Variants in STPG2 observed in about 807,000 individuals in gnomAD.
STPG2 encodes sperm-tail PG-rich repeat-containing protein 2.
STPG2 carries 56 observed loss-of-function variants against 54.2 expected under a neutral mutation model. The observed-to-expected ratio is 1.03, with a 90% CI of 0.83 to 1.29. STPG2 has a LOEUF of 1.29. STPG2 is among the 50% of genes most tolerant of loss of function. STPG2 has a pLI of 0.00. For synonymous variants in STPG2, 200 were observed against 181.8 expected (o/e 1.10, Z -0.81); for missense variants, 596 against 544.9 (o/e 1.09, Z -0.93).
intron 5 of STPG2, among the ~76,000 whole-genome samples, chr4:98,034,036 C>T (rs577737977): frequency 3.9e-4 from 59 of 152,042 alleles, no homozygotes; most frequent in African/African-American, 1.2e-3. Flanking sequence ...CTTTGAAAAC[C>T]GGCATAAGAT....
intron 9 of STPG2, among the ~76,000 whole-genome samples, chr4:97,735,068 G>T (rs1226051512): frequency 6.9e-5 from 4 of 57,768 alleles, no homozygotes; most frequent in Admixed American, 2.1e-4. Context: ...GCGAGACATC[G>T]TCTCAAAAAA....
chr4:97,637,479 G>C (rs1721596499), intron 10 of STPG2, among the ~76,000 whole-genome samples: 1 of 152,144 alleles, frequency 6.6e-6, no homozygotes, highest in Non-Finnish European at 1.5e-5. Context: ...CATAGTGTTG[G>C]AAGTTCTGGC....
intron 10 of STPG2, among the ~76,000 whole-genome samples, chr4:97,658,455 C>A (rs938692507): frequency 3.3e-5 from 5 of 152,126 alleles, no homozygotes; most frequent in African/African-American, 1.2e-4. Context: ...TAGTAGGCTG[C>A]AGGAAAGTGT....
At chr4:97,704,055 TG>T (rs1448481750) in intron 10 of STPG2, among the ~76,000 whole-genome samples, 1 of 152,076 alleles carries the variant, frequency 6.6e-6, no homozygotes, top group Admixed American at 6.6e-5. Flanking sequence ...CTAGCTGTGC[TG>T]GCAGCTGATT....
intron 8 of STPG2, among the ~76,000 whole-genome samples, chr4:97,863,193 C>A (rs1441538222): frequency 6.6e-6 from 1 of 152,070 alleles, no homozygotes; most frequent in Admixed American, 6.6e-5. Context: ...AATTGATAGA[C>A]CGCTAGCAAG....
At chr4:97,840,653 G>T in intron 9 of STPG2, 120 bp downstream of exon 9, 1 of 1,132,520 alleles carries the variant, frequency 8.8e-7, no homozygotes, top group Non-Finnish European at 1.2e-6. Flanking sequence ...AAATGGTTTT[G>T]TTATACATTA....
intron 8 of STPG2, among the ~76,000 whole-genome samples, chr4:97,933,203 T>C (rs1032415338): frequency 2.6e-5 from 4 of 152,176 alleles, no homozygotes; most frequent in African/African-American, 9.7e-5. Flanking sequence ...TTGCCCACTT[T>C]TTGATGGGGT....
At chr4:97,821,126 AGGT>A in intron 9 of STPG2, among the ~76,000 whole-genome samples, 2 of 152,286 alleles carry the variant, frequency 1.3e-5, no homozygotes, top group African/African-American at 4.8e-5. Context: ...AATCAAAAAC[AGGT>A]AGTTACTTTA....
intron 10 of STPG2, among the ~76,000 whole-genome samples, chr4:97,703,815 T>C (rs1421942780): frequency 2.0e-5 from 3 of 148,822 alleles, no homozygotes; most frequent in Non-Finnish European, 4.4e-5. Context: ...TGTGTGTGTA[T>C]ATATACATAT....
chr4:97,970,339 C>A (rs1469008460), intron 7 of STPG2, among the ~76,000 whole-genome samples: 1 of 152,132 alleles, frequency 6.6e-6, no homozygotes, highest in Non-Finnish European at 1.5e-5. Flanking sequence ...CAAAAAAGAG[C>A]CTGCATTGCC....
At chr4:97,971,295 T>C (rs959412025) in intron 7 of STPG2, among the ~76,000 whole-genome samples, 4 of 152,196 alleles carry the variant, frequency 2.6e-5, no homozygotes, top group Non-Finnish European at 2.9e-5. Flanking sequence ...AGCAATCCCA[T>C]TATTGGGTAT....
chr4:97,958,820 C>T (rs1284064162), intron 7 of STPG2, among the ~76,000 whole-genome samples: 2 of 152,130 alleles, frequency 1.3e-5, no homozygotes, highest in African/African-American at 4.8e-5. Flanking sequence ...GTCATCAAGA[C>T]AGAAAGTCAA....
chr4:97,920,405 A>G (rs948452278), intron 8 of STPG2, among the ~76,000 whole-genome samples: 1 of 152,188 alleles, frequency 6.6e-6, no homozygotes, highest in Non-Finnish European at 1.5e-5. Flanking sequence ...GAGACTGCCA[A>G]CTAGTATTTT....
chr4:97,962,854 A>G (rs191031026), intron 7 of STPG2, among the ~76,000 whole-genome samples: 15 of 152,314 alleles, frequency 9.8e-5, no homozygotes, highest in Non-Finnish European at 1.5e-5. Flanking sequence ...CAATATCTAC[A>G]GTGAAGAATA....
chr4:97,620,046 G>A (rs572087065), intron 10 of STPG2, among the ~76,000 whole-genome samples: 149 of 151,966 alleles, frequency 9.8e-4, no homozygotes, highest in African/African-American at 3.4e-3. Flanking sequence ...GGATGGTCTC[G>A]ATCTCCTGAC....
chr4:97,445,209 T>C (rs1012022180), intron 4 of STPG2, among the ~76,000 whole-genome samples: 4 of 152,158 alleles, frequency 2.6e-5, no homozygotes, highest in African/African-American at 4.8e-5. Flanking sequence ...CTAATAAAGA[T>C]TATAAGTAAA....
intron 10 of STPG2, among the ~76,000 whole-genome samples, chr4:97,654,871 A>G (rs2148956472): frequency 6.6e-6 from 1 of 152,242 alleles, no homozygotes; most frequent in South Asian, 2.1e-4. Context: ...TGTACAGATT[A>G]AAAATGATAT....
intron 8 of STPG2, among the ~76,000 whole-genome samples, chr4:97,863,929 G>T (rs1729660961): frequency 6.6e-6 from 1 of 152,054 alleles, no homozygotes. Flanking sequence ...AATAAATTAG[G>T]TATTGATGGG....
intron 9 of STPG2, among the ~76,000 whole-genome samples, chr4:97,820,467 T>C (rs1302706249): frequency 6.6e-6 from 1 of 152,124 alleles, no homozygotes; most frequent in Non-Finnish European, 1.5e-5. Flanking sequence ...AAAACGACAG[T>C]AGCTAGACCT....
Sources: allele counts gnomAD v4.1 joint callset (sites outside exome capture counted in the v4.1 genomes callset), GRCh38; gene constraint gnomAD v4.1.1; transcripts MANE v1.5; gene names NCBI Gene and HGNC (gene_info 2026-07-23, HGNC 2026-07-21).